NR5A1: variants seen among roughly 807,000 people sequenced by gnomAD.
NR5A1 encodes the protein steroidogenic factor 1.
In NR5A1, 6 loss-of-function variants were observed where a neutral mutation model predicts 42.7. That is an observed-to-expected ratio of 0.14 (90% CI 0.08 to 0.28). The LOEUF (loss-of-function observed/expected upper bound fraction) is 0.28, where lower values mean the gene tolerates loss of function less well. Among genes scored for constraint, NR5A1 ranks in the 10% least tolerant of loss-of-function variants. The pLI is 1.00. For synonymous variants in NR5A1, 274 were observed against 277.5 expected, an observed-to-expected ratio of 0.99 and a Z score of 0.12; for missense variants, 442 against 626.4, an observed-to-expected ratio of 0.71 and a Z score of 3.14.
chr9:124,487,154 T>C (rs1564148412), intron 6 of NR5A1, among the ~76,000 whole-genome samples: 1 of 152,202 alleles, frequency 6.6e-6, no homozygotes, highest in Non-Finnish European at 1.5e-5. Context: ...GCCCGCTAGC[T>C]CTGCAGAGCT....
At chr9:124,504,984 A>C (rs903884293) in intron 1 of NR5A1, among the ~76,000 whole-genome samples, 1 of 149,942 alleles carries the variant, frequency 6.7e-6, no homozygotes, top group African/African-American at 2.4e-5. Flanking sequence ...CCCTGCGCCA[A>C]CCCGCCGCGC....
rs1341005940 is a variant in NR5A1 at position 124,483,041 on chromosome 9, C to A, written c.1139-36G>T. The A allele has an allele frequency of 2.5e-6, 4 of 1,611,550 alleles. No individual in the cohort carries two copies. The African/African-American group carries it at 4.0e-5, about 16-fold the overall frequency. Reference sequence around the variant, plus strand: ...AGGTTCTCGGTCACCATCGCGTCACCATCCATGCCCATCAGGGCTGGGCCA... The same window carrying A: ...AGGTTCTCGGTCACCATCGCGTCACAATCCATGCCCATCAGGGCTGGGCCA... On this transcript the variant is annotated intron_variant, in intron 6 of 6. Transcript: ENST00000373588.
chr9:124,484,449 A>G (rs1832177590), intron 6 of NR5A1, among the ~76,000 whole-genome samples: 1 of 152,220 alleles, frequency 6.6e-6, no homozygotes, highest in Non-Finnish European at 1.5e-5. Context: ...AGCCATGTAC[A>G]TAAACTAGAA....
rs373462191 is a variant in NR5A1, at chr9:124,500,477, C to T, written c.483G>A (p.Leu161=). ...GCAGTGCTGGGGCCCCAAAGTCGCC[C>T]AGTGGCCCAGCAGGTGGACCGGCGG... ...GLAAGPPAGP[L]GDFGAPALPM... The change falls in exon 4 of 7, where the codon CTG becomes CTA. Residue 161 remains leucine, a synonymous_variant. Coordinates refer to ENST00000373588, the MANE Select transcript of NR5A1 (RefSeq NM_004959.5). This position sits in a 1 kb window ranked among gnomAD's most constrained non-coding sequence, Gnocchi z 6.9. 1.3e-6 allele frequency: 2 copies of T among 1,599,510 alleles called. No individual in the cohort carries two copies. Among genetic ancestry groups the T allele is most frequent in the Non-Finnish European group, 1.7e-6 (2 of 1,175,242 alleles).
At chr9:124,486,667 C>T (rs551341374) in intron 6 of NR5A1, among the ~76,000 whole-genome samples, 166 of 152,328 alleles carry the variant, frequency 1.1e-3, no homozygotes, top group African/African-American at 3.6e-3. Context: ...CATCTGGAGA[C>T]CTTGTACAAG....
rs1391417535 is a variant in NR5A1 at position 124,504,045 on chromosome 9, AGAGAGAC to A, written c.-15-642_-15-636del. Reference sequence around the variant, plus strand: ...GAGACAGAGAGAGAGAGAGAGAGAGAGAGAGACGAGAGAGAGAGAGAGAGAGAGAAAC... The same window carrying A: ...GAGACAGAGAGAGAGAGAGAGAGAGAGAGAGAGAGAGAGAGAGAGAGAAAC... On this transcript the variant is annotated intron_variant, in intron 1 of 6. Coordinates refer to ENST00000373588, the MANE Select transcript of NR5A1 (RefSeq NM_004959.5). Among the ~76,000 whole-genome samples the A allele has an allele frequency of 4.3e-3, 563 of 131,464 alleles. 60 individuals carry two copies. Among genetic ancestry groups the A allele is most frequent in the African/African-American group, 0.022 (525 of 23,600 alleles). 86.2% of individuals were successfully genotyped at this position (131,464 alleles called of 152,430 possible).
At chr9:124,489,161 G>T (rs1382497923) in intron 6 of NR5A1, among the ~76,000 whole-genome samples, 1 of 152,240 alleles carries the variant, frequency 6.6e-6, no homozygotes, top group Non-Finnish European at 1.5e-5. Context: ...TGGGGGCCAA[G>T]ACAATGTCCC....
rs969355516 is a variant in NR5A1 at position 124,491,343 on chromosome 9, G to C, written c.991-115C>G. ...TGGATTGGAGGTGCAGGTCAGATGG[G>C]CTGGCGTCAGGAGGGCCCAGCCTTG... On this transcript the variant is annotated intron_variant, in intron 5 of 6. Coordinates refer to ENST00000373588, the MANE Select transcript of NR5A1 (RefSeq NM_004959.5). 3.0e-4 allele frequency: 248 copies of C among 814,728 alleles called. 1 individual carries two copies. The highest frequency in any genetic ancestry group is 3.7e-4 in the Middle Eastern group (1 of 2,726). The allele number at this position is 814,728 out of a possible 1,614,324, so 50.5% of individuals were successfully genotyped here.
chr9:124,488,564 T>G (rs1438836962), intron 6 of NR5A1, among the ~76,000 whole-genome samples: 1 of 152,246 alleles, frequency 6.6e-6, no homozygotes, highest in Admixed American at 6.5e-5. Context: ...CACTTACGCA[T>G]ATGCACATTA....
Position 124,501,287 on chromosome 9 carries a change from G to A in NR5A1, c.245-572C>T, listed in dbSNP as rs1028775024. On this transcript the variant is annotated intron_variant, in intron 3 of 6. Coordinates refer to ENST00000373588, the MANE Select transcript of NR5A1 (RefSeq NM_004959.5). The surrounding 1 kb of genome is among the most constrained non-coding windows in gnomAD (Gnocchi z 4.1). ...CGCTGGCCCCAGGGTCCAGCTGTTTGTTGACTGACTGCCTGACTGTTGAGC... is the reference window on the plus strand; with the variant it reads ...CGCTGGCCCCAGGGTCCAGCTGTTTATTGACTGACTGCCTGACTGTTGAGC... Among the ~76,000 whole-genome samples, 6 of 152,226 alleles carry A rather than the reference G, an allele frequency of 3.9e-5. No homozygotes were observed.
At chr9:124,506,946 A>G (rs960040861) in intron 1 of NR5A1, 2 of 152,682 alleles carry the variant, frequency 1.3e-5, no homozygotes, top group African/African-American at 4.8e-5. Context: ...CCCTCCAGAC[A>G]CACTCACAGA....
rs1474155521 is a variant in NR5A1 at position 124,496,874 on chromosome 9, C to T, written c.870+3216G>A. 6.6e-6 allele frequency among the ~76,000 whole-genome samples: 1 copy of T among 152,234 alleles called. No individual in the cohort carries two copies. Among genetic ancestry groups the T allele is most frequent in the Non-Finnish European group, 1.5e-5 (1 of 68,044 alleles). On this transcript the variant is annotated intron_variant, in intron 4 of 6. Transcript: ENST00000373588. The surrounding 1 kb of genome is among the most constrained non-coding windows in gnomAD (Gnocchi z 5.0). ...CCTCCCTTGCATCCTCCCAGCCTGT[C>T]CTTCGCAGTAAGTGACGAGAGGCTG... is the stretch of plus-strand genomic sequence containing the variant.
intron 1 of NR5A1, among the ~76,000 whole-genome samples, chr9:124,504,796 G>A (rs954204310): frequency 1.4e-5 from 2 of 146,540 alleles, no homozygotes; most frequent in African/African-American, 4.9e-5. Flanking sequence ...GCCCGCCCGC[G>A]ATGACGGCCG....
In NR5A1 at chr9:124,491,140, G is replaced by T. The variant is rs369097872; in HGVS notation, c.1079C>A (p.Ala360Glu). 1.2e-6 allele frequency: 2 copies of T among 1,607,924 alleles called. No homozygotes were observed. The highest frequency in any genetic ancestry group is 2.2e-5 in the South Asian group (2 of 90,214). ...RAQELVLQLL[A>E]LQLDRQEFVC... ...AAACTCCTGCCGGTCCAGCTGCAGC[G>T]CAAGCAGCTGCAGCACCAGCTCCTG... is the stretch of plus-strand genomic sequence containing the variant. The change falls in exon 6 of 7, where the codon GCG becomes GAG. Residue 360 changes from alanine (A) to glutamate (E), a missense_variant. Physicochemically the swap from Ala to Glu is moderately radical, Grantham distance 107 (BLOSUM62 -1). Transcript: ENST00000373588.
rs771744928 is a variant in NR5A1, at chr9:124,493,015, C to T, written c.990+15G>A. On this transcript the variant is annotated intron_variant, in intron 5 of 6. Coordinates refer to ENST00000373588, the MANE Select transcript of NR5A1 (RefSeq NM_004959.5). The stretch of plus-strand genomic sequence containing the variant: ...CCAGGGCGGGGCCCAGGGGCGGGGC[C>T]GAGGGACTGGTCACCTCCTGCCCGG... The T allele has an allele frequency of 7.0e-6, 11 of 1,576,356 alleles. No homozygotes were observed. Among genetic ancestry groups the T allele is most frequent in the South Asian group, 3.4e-5 (3 of 87,518 alleles).
intron 4 of NR5A1, among the ~76,000 whole-genome samples, chr9:124,494,911 C>A (rs1832366539): frequency 6.6e-6 from 1 of 152,210 alleles, no homozygotes; most frequent in Middle Eastern, 3.2e-3. Flanking sequence ...CTGGGCCAAG[C>A]CTAATGAACA....
intron 6 of NR5A1, among the ~76,000 whole-genome samples, chr9:124,489,648 G>A (rs935932788): frequency 1.3e-5 from 2 of 152,136 alleles, no homozygotes; most frequent in Non-Finnish European, 2.9e-5. Flanking sequence ...GGCAGAGGTA[G>A]GAGGGAGCTT....
chr9:124,499,327 C>T (rs921707955), intron 4 of NR5A1, among the ~76,000 whole-genome samples: 2 of 152,136 alleles, frequency 1.3e-5, no homozygotes, highest in African/African-American at 2.4e-5. Context: ...TCAGGTACCT[C>T]GACCCAGGGG....
intron 3 of NR5A1, among the ~76,000 whole-genome samples, chr9:124,502,593 G>A (rs1832486738): frequency 6.6e-6 from 1 of 152,210 alleles, no homozygotes; most frequent in Admixed American, 6.5e-5. Flanking sequence ...CCTCCCAAAT[G>A]CTGGAATTAC....
Sources: gnomAD v4.1 joint callset for allele counts (sites outside exome capture counted in the v4.1 genomes callset) on GRCh38, gnomAD v4.1.1 for gene constraint, Gnocchi (gnomAD v3.1) non-coding constraint, MANE v1.5 for transcripts, NCBI Gene and HGNC (gene_info 2026-07-23, HGNC 2026-07-21) for gene names.